The following NR3C2 variants were observed in gnomAD, a reference collection of about 807,000 sequenced individuals.
The protein encoded by NR3C2 is mineralocorticoid receptor.
In NR3C2, 15 loss-of-function variants were observed where a neutral mutation model predicts 86.4. The observed-to-expected ratio is 0.17, with a 90% CI of 0.12 to 0.27. The LOEUF (loss-of-function observed/expected upper bound fraction) is 0.27, where lower values mean the gene tolerates loss of function less well. Among genes scored for constraint, NR3C2 ranks in the 10% least tolerant of loss-of-function variants. NR3C2 has a pLI of 1.00. For missense variants in NR3C2, 960 were observed against 1,195.6 expected, an observed-to-expected ratio of 0.80 and a Z score of 2.91; for synonymous variants, 458 against 450.5, an observed-to-expected ratio of 1.02 and a Z score of -0.21.
rs143816684 is a variant in NR3C2 at position 148,118,020 on chromosome 4, G to C, written c.2641+2138C>G. ...CTCAGTGGCCATTTCATACGGCTCA[G>C]AGTTTTCCTCTCCACATTGTCTCCT... On this transcript the variant is annotated intron_variant, in intron 7 of 8. Coordinates refer to ENST00000358102, the MANE Select transcript of NR3C2 (RefSeq NM_000901.5). Among the ~76,000 whole-genome samples, 19 of 152,264 alleles carry C rather than the reference G, an allele frequency of 1.2e-4. No individual in the cohort carries two copies. In the East Asian group the frequency reaches 3.7e-3, roughly 29 times the overall value.
chr4:148,415,827 T>C (rs536227872), intron 2 of NR3C2, among the ~76,000 whole-genome samples: 4 of 152,294 alleles, frequency 2.6e-5, no homozygotes, highest in African/African-American at 9.6e-5. Context: ...TTTTTCGTCC[T>C]AGAAACAATA....
At chr4:148,331,478 G>C (rs537976069) in intron 2 of NR3C2, among the ~76,000 whole-genome samples, 5 of 152,232 alleles carry the variant, frequency 3.3e-5, no homozygotes, top group Non-Finnish European at 7.4e-5. Context: ...AAAAAGTAAA[G>C]ACACATCAAT....
intron 2 of NR3C2, among the ~76,000 whole-genome samples, chr4:148,409,234 T>C (rs909463662): frequency 6.6e-6 from 1 of 152,128 alleles, no homozygotes; most frequent in African/African-American, 2.4e-5. Flanking sequence ...TTCTAAAAAT[T>C]TTGTCAATAT....
intron 2 of NR3C2, among the ~76,000 whole-genome samples, chr4:148,385,175 C>T (rs1747200470): frequency 6.6e-6 from 1 of 152,060 alleles, no homozygotes; most frequent in African/African-American, 2.4e-5. Context: ...AATAAAATAC[C>T]ATCCAAATGA....
chr4:148,370,010 G>C (rs571063075), intron 2 of NR3C2, among the ~76,000 whole-genome samples: 1 of 152,136 alleles, frequency 6.6e-6, no homozygotes, highest in Non-Finnish European at 1.5e-5. Flanking sequence ...CCTGTATTCC[G>C]AGATGATGCA....
At chr4:148,250,777 T>G (rs1739535588) in intron 3 of NR3C2, among the ~76,000 whole-genome samples, 1 of 152,198 alleles carries the variant, frequency 6.6e-6, no homozygotes, top group Admixed American at 6.5e-5. Context: ...CCCACTCATC[T>G]GCCCTATTCT....
At chr4:148,225,028 A>G (rs1187680543) in intron 3 of NR3C2, among the ~76,000 whole-genome samples, 1 of 152,216 alleles carries the variant, frequency 6.6e-6, no homozygotes, top group Non-Finnish European at 1.5e-5. Flanking sequence ...TTAAGGAATT[A>G]TAACTTCAGC....
intron 2 of NR3C2, among the ~76,000 whole-genome samples, chr4:148,410,240 A>T (rs1347344830): frequency 2.0e-5 from 3 of 152,214 alleles, no homozygotes; most frequent in Non-Finnish European, 2.9e-5. Context: ...AACTCAGTTC[A>T]TCTCAAACCA....
At chr4:148,254,592 A>C (rs1739736783) in intron 3 of NR3C2, among the ~76,000 whole-genome samples, 1 of 152,234 alleles carries the variant, frequency 6.6e-6, no homozygotes, top group African/African-American at 2.4e-5. Context: ...CCTTATGCTT[A>C]TGGAAGGAGG....
intron 2 of NR3C2, among the ~76,000 whole-genome samples, chr4:148,326,070 G>A (rs1350638075): frequency 1.3e-5 from 2 of 152,126 alleles, no homozygotes; most frequent in South Asian, 2.1e-4. Context: ...CGCAGGTTGG[G>A]GTAAAAACTA....
Position 148,309,980 on chromosome 4 carries a change from G to A in NR3C2, c.1758-49863C>T, listed in dbSNP as rs1309546925. 2.6e-5 allele frequency among the ~76,000 whole-genome samples: 4 copies of A among 152,014 alleles called. No individual in the cohort carries two copies. In the East Asian group the frequency reaches 5.8e-4, roughly 22 times the overall value. On this transcript the variant is annotated intron_variant, in intron 2 of 8. Coordinates refer to ENST00000358102, the MANE Select transcript of NR3C2 (RefSeq NM_000901.5). ...AAAAAAATGAAGGCTCTCCAAGGGC[G>A]GGGGTGGAGGAAATAATGAGAAAAA...
chr4:148,298,718 A>G lies in NR3C2; in HGVS notation c.1758-38601T>C, dbSNP rs77304369. 7.4e-3 allele frequency among the ~76,000 whole-genome samples: 1,132 copies of G among 152,386 alleles called. 19 individuals are homozygous for G. Among genetic ancestry groups the G allele is most frequent in the African/African-American group, 0.026 (1,075 of 41,592 alleles). On this transcript the variant is annotated intron_variant, in intron 2 of 8. Coordinates refer to ENST00000358102, the MANE Select transcript of NR3C2 (RefSeq NM_000901.5). ...CTGTTAATTAGCACTTGGGCTGATCAGAGTTCAACAAAGCACACAAATTCT... is the reference window on the plus strand; with the variant it reads ...CTGTTAATTAGCACTTGGGCTGATCGGAGTTCAACAAAGCACACAAATTCT...
chr4:148,200,311 CAATCCCTCCTTG>C (rs1479366222), intron 3 of NR3C2, among the ~76,000 whole-genome samples: 1 of 152,196 alleles, frequency 6.6e-6, no homozygotes, highest in Non-Finnish European at 1.5e-5. Flanking sequence ...TCTGACACTT[CAATCCCTCCTTG>C]TTCACTAATC....
At chr4:148,397,307 G>A (rs1271756164) in intron 2 of NR3C2, among the ~76,000 whole-genome samples, 1 of 152,222 alleles carries the variant, frequency 6.6e-6, no homozygotes, top group Non-Finnish European at 1.5e-5. Context: ...CTTTCATCTT[G>A]ACTGTCCTTT....
intron 4 of NR3C2, among the ~76,000 whole-genome samples, chr4:148,159,063 G>A (rs1311314164): frequency 6.6e-6 from 1 of 152,094 alleles, no homozygotes; most frequent in African/African-American, 2.4e-5. Context: ...TCAAAGTAAT[G>A]TTTCTAAAAT....
chr4:148,139,392 C>T (rs1372188182), intron 6 of NR3C2, among the ~76,000 whole-genome samples: 1 of 151,744 alleles, frequency 6.6e-6, no homozygotes, highest in Admixed American at 6.6e-5. Context: ...TAGTATTTAG[C>T]ACGACACCTT....
Position 148,438,974 on chromosome 4 carries a change from A to T in NR3C2, c.-2-2112T>A, listed in dbSNP as rs72645698. On this transcript the variant is annotated intron_variant, in intron 1 of 8. Coordinates refer to ENST00000358102, the MANE Select transcript of NR3C2 (RefSeq NM_000901.5). ...GTTTTCACTTAAAGAACATCCTATG[A>T]ATTCCTAATCAAAAATCAATCACAA... Among the ~76,000 whole-genome samples, 740 of 152,332 alleles carry T rather than the reference A, an allele frequency of 4.9e-3. 8 individuals are homozygous for T. The highest frequency in any genetic ancestry group is 0.017 in the African/African-American group (708 of 41,574).
At chr4:148,102,100 A>G (rs1223822632) in intron 8 of NR3C2, among the ~76,000 whole-genome samples, 1 of 151,642 alleles carries the variant, frequency 6.6e-6, no homozygotes, top group Non-Finnish European at 1.5e-5. Context: ...TGGGGCACAC[A>G]CTCTCTTTTC....
intron 4 of NR3C2, among the ~76,000 whole-genome samples, chr4:148,171,820 C>A (rs1009329748): frequency 6.6e-6 from 1 of 152,208 alleles, no homozygotes; most frequent in South Asian, 2.1e-4. Context: ...AAACACAGCA[C>A]TGCTTATTTC....
Sources: allele counts gnomAD v4.1 joint callset (sites outside exome capture counted in the v4.1 genomes callset), GRCh38; gene constraint gnomAD v4.1.1; transcripts MANE v1.5; gene names NCBI Gene and HGNC (gene_info 2026-07-23, HGNC 2026-07-21).